CTBP2: variants seen among roughly 807,000 people sequenced by gnomAD.
CTBP2 encodes C-terminal-binding protein 2.
Under a neutral mutation model 80.3 loss-of-function variants are expected in CTBP2, and 30 were observed. The observed-to-expected ratio is 0.37, with a 90% confidence interval of 0.28 to 0.51. The LOEUF (loss-of-function observed/expected upper bound fraction) is 0.51. Ranked by LOEUF, CTBP2 falls within the 20% of genes least tolerant of loss-of-function variation. The pLI, the probability that CTBP2 is intolerant of heterozygous loss-of-function variation, is 0.93. For missense variants in CTBP2, 1,212 were observed against 1,375.3 expected (o/e 0.88, Z 1.88); for synonymous variants, 594 against 587.4 (o/e 1.01, Z -0.16).
At chr10:125,023,437 G>T (rs1296749445) in intron 1 of CTBP2, among the ~76,000 whole-genome samples, 1 of 152,226 alleles carries the variant, frequency 6.6e-6, no homozygotes, top group Non-Finnish European at 1.5e-5. Context: ...TCTGGTGCAG[G>T]CAGGGCTCGG....
In CTBP2 at chr10:125,110,832, T is replaced by C. The variant is rs553742356; in HGVS notation, c.-102+158A>G. 3.9e-5 allele frequency among the ~76,000 whole-genome samples: 6 copies of C among 152,306 alleles called. No homozygotes were observed. In the South Asian group the frequency reaches 1.2e-3, roughly 32 times the overall value. On this transcript the variant is annotated intron_variant, in intron 2 of 10. Transcript: ENST00000337195. ...TGATAAATGAAAATACTAGATGCAA[T>C]TAATTGAAAGACAATCAATATGATC...
intron 8 of CTBP2, among the ~76,000 whole-genome samples, chr10:124,990,899 A>G (rs898052374): frequency 1.3e-5 from 2 of 152,226 alleles, no homozygotes; most frequent in African/African-American, 4.8e-5. Context: ...GCCTCATCTC[A>G]GACTTCCAGC....
chr10:125,130,044 T>C (rs866323442), intron 1 of CTBP2, among the ~76,000 whole-genome samples: 514 of 149,400 alleles, frequency 3.4e-3, no homozygotes, highest in African/African-American at 9.6e-3. Flanking sequence ...TTTCTCTCTT[T>C]TTTTTTTTTT....
intron 1 of CTBP2, among the ~76,000 whole-genome samples, chr10:125,007,774 G>A (rs1218953241): frequency 6.6e-6 from 1 of 152,138 alleles, no homozygotes; most frequent in African/African-American, 2.4e-5. Flanking sequence ...GAGCTAAGCC[G>A]ACATCCTTCC....
chr10:125,060,665 G>A (rs950584578), intron 2 of CTBP2, among the ~76,000 whole-genome samples: 16 of 152,258 alleles, frequency 1.1e-4, no homozygotes, highest in Admixed American at 7.2e-4. Flanking sequence ...ATGCGGAAGA[G>A]GGATTGGGTG....
At chr10:125,102,491 G>C (rs1365684238) in intron 2 of CTBP2, among the ~76,000 whole-genome samples, 1 of 152,248 alleles carries the variant, frequency 6.6e-6, no homozygotes, top group Non-Finnish European at 1.5e-5. Flanking sequence ...GGCCTCTGCA[G>C]TGCTGCCACT....
intron 2 of CTBP2, among the ~76,000 whole-genome samples, chr10:125,097,154 C>G (rs952851910): frequency 1.1e-4 from 16 of 152,276 alleles, no homozygotes; most frequent in Admixed American, 2.6e-4. Flanking sequence ...AGTGGATGAA[C>G]CTGCTGACTC....
intron 1 of CTBP2, among the ~76,000 whole-genome samples, chr10:125,143,933 C>A (rs891667729): frequency 6.6e-6 from 1 of 152,192 alleles, no homozygotes; most frequent in Non-Finnish European, 1.5e-5. Context: ...CCCCAAAACA[C>A]CTAGCCCTGG....
chr10:125,110,649 T>G (rs1416742963), intron 2 of CTBP2, among the ~76,000 whole-genome samples: 7 of 152,252 alleles, frequency 4.6e-5, no homozygotes, highest in Non-Finnish European at 5.9e-5. Context: ...TTATTCTTTT[T>G]AATTAATACA....
intron 1 of CTBP2, among the ~76,000 whole-genome samples, chr10:125,145,813 T>C (rs1858669653): frequency 6.6e-6 from 1 of 152,166 alleles, no homozygotes; most frequent in South Asian, 2.1e-4. Context: ...GAATATGACA[T>C]TCTGGCCCCA....
chr10:125,158,312 G>C (rs1296108710), intron 1 of CTBP2, among the ~76,000 whole-genome samples: 1 of 152,162 alleles, frequency 6.6e-6, no homozygotes, highest in Admixed American at 6.5e-5. Flanking sequence ...ACACCTAGTA[G>C]AGAAAGCTAT....
intron 1 of CTBP2, among the ~76,000 whole-genome samples, chr10:125,017,114 G>A (rs79648187): frequency 0.037 from 5,643 of 152,306 alleles, 175 homozygotes; most frequent in Non-Finnish European, 0.049. Flanking sequence ...GGAAGTCAGC[G>A]CCAAAGAACA....
intron 1 of CTBP2, among the ~76,000 whole-genome samples, chr10:125,150,315 T>C (rs1428288294): frequency 6.6e-6 from 1 of 152,236 alleles, no homozygotes; most frequent in African/African-American, 2.4e-5. Context: ...AATCCAATTT[T>C]ACCACATGAA....
At chr10:125,100,674 G>C (rs936512072) in intron 2 of CTBP2, 1 of 152,200 alleles carries the variant, frequency 6.6e-6, no homozygotes, top group African/African-American at 2.4e-5. Context: ...ATAAGGATGA[G>C]AGGAAAAACG....
At chr10:125,029,826 A>G (rs1020252888), upstream of CTBP2, among the ~76,000 whole-genome samples, 2 of 152,176 alleles carry the variant, frequency 1.3e-5, no homozygotes, top group African/African-American at 4.8e-5. Context: ...ACAGGGCTCT[A>G]TAGAAGAATG....
At position 125,027,216 on chromosome 10, in the gene CTBP2, T is replaced by C. The variant is rs752264725; in HGVS notation, c.544A>G (p.Arg182Gly). ...CCATACCGCCCGGGAGATGCAGCCC[T>C]GCTCTGTGTCTGCCGCCCCTGAGGG... Residue 182 changes from arginine to glycine, a missense_variant, in exon 1 of 9, where the codon AGG (arginine) becomes GGG (glycine). Physicochemically the swap from Arg to Gly is moderately radical, Grantham distance 125. Coordinates refer to ENST00000309035, the MANE Select transcript of CTBP2 (RefSeq NM_022802.3). 1.2e-6 allele frequency: 2 copies of C among 1,612,966 alleles called. No individual in the cohort carries two copies. Among genetic ancestry groups the C allele is most frequent in the Non-Finnish European group, 1.7e-6 (2 of 1,179,536 alleles).
chr10:125,026,544 G>A lies in CTBP2; in HGVS notation c.1216C>T (p.Pro406Ser). 6.3e-7 allele frequency: 1 copy of A among 1,575,852 alleles called. No individual in the cohort carries two copies. Among genetic ancestry groups the A allele is most frequent in the Non-Finnish European group, 8.6e-7 (1 of 1,161,604 alleles). The change falls in exon 1 of 9, where the codon CCC (proline) becomes TCC (serine). Residue 406 changes from proline (P) to serine (S), a missense_variant. By Grantham distance (74) the Pro-to-Ser change is moderately conservative (BLOSUM62 -1). This residue lies in a region of CTBP2 where 848 missense variants were observed against 782.3 expected (regional missense o/e 1.08). Coordinates refer to ENST00000309035, the MANE Select transcript of CTBP2 (RefSeq NM_022802.3). ...AGGTGCTGAGATGGTGCGCTGGAGG[G>A]ACGGCGAGCCGGGTCTCCAGCTCGG... is the stretch of plus-strand genomic sequence containing the variant.
In CTBP2 at chr10:124,993,905, C is replaced by G. The variant is rs112058365; in HGVS notation, c.2481G>C (p.Glu827Asp). Reference sequence around the variant, plus strand: ...CGAGGGCTGCCCCTCGTATCCTGCCCTCCTTGAGGGCTTGTGCTAAGGCTT... The same window carrying G: ...CGAGGGCTGCCCCTCGTATCCTGCCGTCCTTGAGGGCTTGTGCTAAGGCTT... Residue 827 changes from glutamate (E) to aspartate (D), a missense_variant, in exon 6 of 9, where the codon GAG (glutamate) becomes GAC (aspartate). By Grantham distance (45) the Glu-to-Asp change is conservative. Around this residue, in one of 3 missense-constraint regions of CTBP2, gnomAD observed 335 missense variants for 504.7 expected, o/e 0.66. Coordinates refer to ENST00000309035, the MANE Select transcript of CTBP2 (RefSeq NM_022802.3). 2 of 1,614,198 alleles carry G rather than the reference C, an allele frequency of 1.2e-6. No individual in the cohort carries two copies. Among genetic ancestry groups the G allele is most frequent in the Non-Finnish European group, 1.7e-6 (2 of 1,180,040 alleles).
chr10:125,047,297 T>C (rs1014047416), intron 2 of CTBP2, among the ~76,000 whole-genome samples: 2 of 152,252 alleles, frequency 1.3e-5, no homozygotes, highest in Non-Finnish European at 2.9e-5. Context: ...TACTCTGGCA[T>C]GAAAATTTTG....
Sources: gnomAD v4.1 joint callset for allele counts (sites outside exome capture counted in the v4.1 genomes callset) on GRCh38, gnomAD v4.1.1 for gene constraint, gnomAD v4.1.1 regional missense constraint, MANE v1.5 for transcripts, NCBI Gene and HGNC (gene_info 2026-07-23, HGNC 2026-07-21) for gene names.